ARHGAP32: variants seen among roughly 807,000 people sequenced by gnomAD.
ARHGAP32 encodes the protein rho GTPase-activating protein 32.
In ARHGAP32, 51 loss-of-function variants were observed where a neutral mutation model predicts 186.5. The observed-to-expected ratio is 0.27, with a 90% CI of 0.22 to 0.35. The LOEUF (loss-of-function observed/expected upper bound fraction) is 0.35. ARHGAP32 is among the 10% of genes least tolerant of loss of function. The pLI, the probability that ARHGAP32 is intolerant of heterozygous loss-of-function variation, is 1.00. For synonymous variants in ARHGAP32, 950 were observed against 964.3 expected (o/e 0.99, Z 0.27); for missense variants, 2,186 against 2,623.5 (o/e 0.83, Z 3.64).
chr11:129,012,028 G>A (rs1333422388), intron 11 of ARHGAP32, among the ~76,000 whole-genome samples: 1 of 152,198 alleles, frequency 6.6e-6, no homozygotes, highest in Non-Finnish European at 1.5e-5. Flanking sequence ...AGAATAGGAT[G>A]TGAAACTTCC....
chr11:129,028,053 A>C (rs954925008), intron 11 of ARHGAP32, among the ~76,000 whole-genome samples: 2 of 152,258 alleles, frequency 1.3e-5, no homozygotes, highest in African/African-American at 4.8e-5. Flanking sequence ...ATTTTTGGTA[A>C]CTATAATGAA....
intron 6 of ARHGAP32, among the ~76,000 whole-genome samples, chr11:129,070,702 G>A (rs764834644): frequency 1.3e-4 from 20 of 151,794 alleles, no homozygotes; most frequent in African/African-American, 3.6e-4. Flanking sequence ...GTCTAAAATC[G>A]TTGTGAAATG....
chr11:129,177,265 T>C (rs1177890725), intron 1 of ARHGAP32, among the ~76,000 whole-genome samples: 1 of 151,916 alleles, frequency 6.6e-6, no homozygotes, highest in Non-Finnish European at 1.5e-5. Flanking sequence ...AATAGACCAA[T>C]AACAGGAGCT....
intron 2 of ARHGAP32, among the ~76,000 whole-genome samples, chr11:129,129,467 T>TGCCCGGCCGCCC (rs1942758610): frequency 6.9e-6 from 1 of 143,996 alleles, no homozygotes; most frequent in South Asian, 2.2e-4. Flanking sequence ...GGGGGGCGCC[T>TGCCCGGCCGCCC]CTGCCCGGCC....
At chr11:129,080,066 A>G (rs1170089802) in intron 6 of ARHGAP32, among the ~76,000 whole-genome samples, 1 of 152,186 alleles carries the variant, frequency 6.6e-6, no homozygotes, top group African/African-American at 2.4e-5. Flanking sequence ...AATCCTAAAT[A>G]TATATGCACC....
intron 1 of ARHGAP32, among the ~76,000 whole-genome samples, chr11:129,211,229 T>C (rs1944578229): frequency 6.6e-6 from 1 of 152,208 alleles, no homozygotes. Flanking sequence ...ATTGCTTTTA[T>C]TAGTGATCTG....
intron 5 of ARHGAP32, among the ~76,000 whole-genome samples, chr11:129,113,942 T>C (rs1017976275): frequency 6.6e-6 from 1 of 152,156 alleles, no homozygotes; most frequent in Non-Finnish European, 1.5e-5. Flanking sequence ...GCTCTCTTTT[T>C]ACATTTCCAG....
chr11:129,141,453 C>A (rs1943050503), intron 2 of ARHGAP32, among the ~76,000 whole-genome samples: 1 of 151,914 alleles, frequency 6.6e-6, no homozygotes, highest in African/African-American at 2.4e-5. Context: ...CAGGGAACAT[C>A]AGACACCGGG....
intron 5 of ARHGAP32, among the ~76,000 whole-genome samples, chr11:129,096,802 C>T (rs1941741568): frequency 6.6e-6 from 1 of 152,178 alleles, no homozygotes; most frequent in Non-Finnish European, 1.5e-5. Flanking sequence ...CTTTTCCTTC[C>T]CTGTCCCCCT....
intron 2 of ARHGAP32, among the ~76,000 whole-genome samples, chr11:129,163,375 A>G (rs1056529018): frequency 6.6e-6 from 1 of 152,198 alleles, no homozygotes; most frequent in African/African-American, 2.4e-5. Context: ...AAGTTTTAAT[A>G]AACTAAATGA....
At chr11:129,036,262 C>T (rs1939331230) in intron 11 of ARHGAP32, among the ~76,000 whole-genome samples, 1 of 151,702 alleles carries the variant, frequency 6.6e-6, no homozygotes, top group South Asian at 2.1e-4. Flanking sequence ...TGCCTGTAAT[C>T]CCAGCTACTC....
chr11:129,101,299 C>T (rs1160778848), intron 5 of ARHGAP32, among the ~76,000 whole-genome samples: 1 of 152,134 alleles, frequency 6.6e-6, no homozygotes, highest in Non-Finnish European at 1.5e-5. Flanking sequence ...ACTCAAAAAG[C>T]CAGAGTGCCT....
chr11:129,120,783 A>G (rs1209182265), intron 5 of ARHGAP32, among the ~76,000 whole-genome samples: 2 of 152,098 alleles, frequency 1.3e-5, no homozygotes, highest in Non-Finnish European at 2.9e-5. Flanking sequence ...TCTAAGAGAA[A>G]TTTCTAAGAT....
chr11:128,976,459 TA>T, intron 20 of ARHGAP32, 103 bp downstream of exon 20: 1 of 909,654 alleles, frequency 1.1e-6, no homozygotes, highest in Non-Finnish European at 1.8e-6. Context: ...GGAAATGAGT[TA>T]ATAGCCTATT....
At chr11:129,108,609 T>A (rs546241740) in intron 5 of ARHGAP32, among the ~76,000 whole-genome samples, 15 of 152,282 alleles carry the variant, frequency 9.9e-5, no homozygotes, top group Non-Finnish European at 1.9e-4. Context: ...CCTCTCTATC[T>A]TCTTTGGAAA....
intron 1 of ARHGAP32, among the ~76,000 whole-genome samples, chr11:129,204,225 T>C (rs1944489924): frequency 6.6e-6 from 1 of 151,894 alleles, no homozygotes; most frequent in African/African-American, 2.4e-5. Flanking sequence ...TATACATATA[T>C]AACCATATTC....
intron 1 of ARHGAP32, among the ~76,000 whole-genome samples, chr11:129,266,442 G>A (rs557565835): frequency 1.8e-3 from 281 of 152,208 alleles, no homozygotes; most frequent in African/African-American, 6.6e-3. Flanking sequence ...AGGTCATCCT[G>A]CTGGAAAAGT....
Position 129,093,724 on chromosome 11 carries a change from AAAG to A in ARHGAP32, c.445-20_445-18del. ...AAGTGAAAGCTACATCACAGAAAAA[AAAG>A]AAGAGGGGGAAAGAAAGTCATGATT... On this transcript the variant is annotated intron_variant, in intron 5 of 22. Transcript: ENST00000682385. 1.3e-6 allele frequency: 2 copies of A among 1,541,848 alleles called. No individual in the cohort carries two copies. The highest frequency in any genetic ancestry group is 1.7e-4 in the Middle Eastern group (1 of 5,946).
intron 2 of ARHGAP32, among the ~76,000 whole-genome samples, chr11:129,140,199 T>C (rs1014549854): frequency 2.0e-5 from 3 of 152,038 alleles, no homozygotes; most frequent in Non-Finnish European, 4.4e-5. Context: ...CTAAAAGTTA[T>C]GCCACCACAC....
Sources: gnomAD v4.1 joint callset for allele counts (sites outside exome capture counted in the v4.1 genomes callset) on GRCh38, gnomAD v4.1.1 for gene constraint, MANE v1.5 for transcripts, NCBI Gene and HGNC (gene_info 2026-07-23, HGNC 2026-07-21) for gene names.